The following SP3 variants were observed in gnomAD, a reference collection of about 807,000 sequenced individuals.
The protein encoded by SP3 is transcription factor Sp3.
SP3 carries 10 observed loss-of-function variants against 70.3 expected under a neutral mutation model. The ratio of observed to expected loss-of-function variants is 0.14; its 90% CI spans 0.09 to 0.24. SP3 has a LOEUF of 0.24. SP3 is among the 10% of genes least tolerant of loss of function. SP3 has a pLI of 1.00. For missense variants in SP3, 825 were observed against 914.6 expected (o/e 0.90, Z 1.26); for synonymous variants, 402 against 333.5 (o/e 1.21, Z -2.24).
intron 1 of SP3, 71 bp downstream of exon 1, chr2:173,965,094 C>A (rs949310573): frequency 1.9e-6 from 3 of 1,541,176 alleles, no homozygotes; most frequent in African/African-American, 2.8e-5. Flanking sequence ...GGCAGCGGCC[C>A]CGGGCTGGCT....
chr2:173,929,897 T>G (rs1474335186), intron 4 of SP3, among the ~76,000 whole-genome samples: 1 of 152,146 alleles, frequency 6.6e-6, no homozygotes, highest in Non-Finnish European at 1.5e-5. Context: ...CCTGAAAAAA[T>G]TAGAAGGCTT....
chr2:173,956,936 C>T (rs970020364), intron 3 of SP3, among the ~76,000 whole-genome samples: 1 of 152,046 alleles, frequency 6.6e-6, no homozygotes, highest in Non-Finnish European at 1.5e-5. Context: ...TGGCATATAC[C>T]TTTTGTATTC....
intron 4 of SP3, among the ~76,000 whole-genome samples, chr2:173,948,224 A>G (rs1348973052): frequency 1.3e-5 from 2 of 152,194 alleles, no homozygotes; most frequent in Non-Finnish European, 2.9e-5. Context: ...ACCCTTATCC[A>G]AGGTTTTGCT....
intron 3 of SP3, 30 bp downstream of exon 3, chr2:173,963,718 GGGCGCCCGGCCTC>G (rs1026940159): frequency 4.2e-5 from 34 of 815,030 alleles, no homozygotes; most frequent in Middle Eastern, 6.0e-4. Context: ...CCGGGATGGC[GGGCGCCCGGCCTC>G]GGCGGGGGCG....
chr2:173,965,320 T>G lies in SP3; in HGVS notation c.-149A>C. ...TTTTTTTTCCTATTTTGATTGACTG[T>G]GCGGGAAACACAAAAGGTGGAGCCT... On this transcript the variant is annotated 5_prime_UTR_variant, in exon 1 of 7. Transcript: ENST00000310015. The G allele has an allele frequency of 1.1e-6, 1 of 901,718 alleles. No individual in the cohort carries two copies. The highest frequency in any genetic ancestry group is 1.6e-5 in the South Asian group (1 of 62,906). The allele number at this position is 901,718 out of a possible 1,614,324, so 55.9% of individuals were successfully genotyped here.
intron 4 of SP3, among the ~76,000 whole-genome samples, chr2:173,935,367 C>T (rs1322048683): frequency 6.6e-6 from 1 of 152,200 alleles, no homozygotes; most frequent in Non-Finnish European, 1.5e-5. Flanking sequence ...CATGTAGATG[C>T]TTTCCTGATG....
At chr2:173,916,503 A>C (rs1689621603) in intron 5 of SP3, 1 of 151,480 alleles carries the variant, frequency 6.6e-6, no homozygotes, top group African/African-American at 2.4e-5. Flanking sequence ...ACAGATTTAC[A>C]AAAAAAAAGA....
At chr2:173,963,511 C>G (rs770519561) in intron 3 of SP3, 1 of 154,504 alleles carries the variant, frequency 6.5e-6, no homozygotes, top group African/African-American at 2.4e-5. Flanking sequence ...AGTCCTCTAC[C>G]CCCGCCCTCT....
rs559746645 is a variant in SP3, at chr2:173,901,137, T to C, written c.*8804A>G. On this transcript the variant is annotated 3_prime_UTR_variant, in exon 7 of 7. Coordinates refer to ENST00000310015, the MANE Select transcript of SP3 (RefSeq NM_003111.5). ...AACTGCTAAGACAACTGATTATCCA[T>C]ATGGAAAATAATGGACTTTATGCCA... Among the ~76,000 whole-genome samples, 5 of 152,266 alleles carry C rather than the reference T, an allele frequency of 3.3e-5. No homozygotes were observed. The highest frequency in any genetic ancestry group is 2.0e-4 in the Admixed American group (3 of 15,284).
At chr2:173,933,955 G>T (rs1690144495) in intron 4 of SP3, among the ~76,000 whole-genome samples, 1 of 143,200 alleles carries the variant, frequency 7.0e-6, no homozygotes. Flanking sequence ...AATAAGAGTT[G>T]GATGTGGTGG....
At chr2:173,936,994 C>T (rs895468877) in intron 4 of SP3, among the ~76,000 whole-genome samples, 3 of 152,082 alleles carry the variant, frequency 2.0e-5, no homozygotes, top group Admixed American at 6.5e-5. Context: ...ATTTATATTG[C>T]AGATCACACA....
At chr2:173,917,465 C>T (rs536296301) in intron 5 of SP3, among the ~76,000 whole-genome samples, 6 of 152,110 alleles carry the variant, frequency 3.9e-5, no homozygotes, top group Admixed American at 6.6e-5. Context: ...GTCACTCAAC[C>T]TCTCTATGTC....
At chr2:173,923,940 A>C (rs1263455190) in intron 4 of SP3, among the ~76,000 whole-genome samples, 2 of 152,058 alleles carry the variant, frequency 1.3e-5, no homozygotes, top group African/African-American at 4.8e-5. Flanking sequence ...AGAGGTACCA[A>C]GTTTTTTTTC....
chr2:173,911,813 C>CTTTTTTTTT (rs11448837), intron 6 of SP3, among the ~76,000 whole-genome samples: 1 of 98,042 alleles, frequency 1.0e-5, no homozygotes, highest in Non-Finnish European at 1.9e-5. Flanking sequence ...TTTTATCTAC[C>CTTTTTTTTT]TTTTTTTTTT....
At chr2:173,960,766 C>G (rs1010649567) in intron 3 of SP3, among the ~76,000 whole-genome samples, 13 of 151,692 alleles carry the variant, frequency 8.6e-5, no homozygotes, top group Admixed American at 2.6e-4. Flanking sequence ...GTCAGGAGAT[C>G]GAGACCATCC....
intron 2 of SP3, chr2:173,964,093 C>A (rs1431890983): frequency 2.8e-6 from 1 of 353,746 alleles, no homozygotes; most frequent in Non-Finnish European, 5.0e-6. Flanking sequence ...CCCCGGCTCC[C>A]CGGTCCGCGG....
At chr2:173,912,989 G>T in intron 6 of SP3, 81 bp downstream of exon 6, 2 of 1,033,990 alleles carry the variant, frequency 1.9e-6, no homozygotes, top group Admixed American at 3.0e-5. Context: ...AGTTCAGTAA[G>T]GAATGCTAAT....
rs910832141 is a variant in SP3 at position 173,908,441 on chromosome 2, A to C, written c.*1500T>G. On this transcript the variant is annotated 3_prime_UTR_variant, in exon 7 of 7. Transcript: ENST00000310015. ...TTCAGTGTCTAAAATCAAGAATCTA[A>C]AAATAAAAAGCCAAGTTGAAGAAAA... 1 of 152,480 alleles carries C rather than the reference A, an allele frequency of 6.6e-6. No homozygotes were observed. Among genetic ancestry groups the C allele is most frequent in the African/African-American group, 2.4e-5 (1 of 41,456 alleles). The allele number at this position is 152,480 out of a possible 1,614,324, so 9.4% of individuals were successfully genotyped here.
chr2:173,901,062 A>G lies in SP3; in HGVS notation c.*8879T>C, dbSNP rs1689181317. Among the ~76,000 whole-genome samples, 1 of 152,248 alleles carries G rather than the reference A, an allele frequency of 6.6e-6. No individual in the cohort carries two copies. On this transcript the variant is annotated 3_prime_UTR_variant, in exon 7 of 7. Transcript: ENST00000310015. ...ACCGGATGTCAAGAATTTAGGATAA[A>G]TAACAGAGAGGGCATTATAATCAGC...
Sources: gnomAD v4.1 joint callset for allele counts (sites outside exome capture counted in the v4.1 genomes callset) on GRCh38, gnomAD v4.1.1 for gene constraint, MANE v1.5 for transcripts, NCBI Gene and HGNC (gene_info 2026-07-23, HGNC 2026-07-21) for gene names.